EP300: variants seen among roughly 807,000 people sequenced by gnomAD.
EP300 encodes the protein histone acetyltransferase p300.
A neutral mutation model predicts 264.0 loss-of-function variants in EP300; 31 were observed. That is an observed-to-expected ratio of 0.12 (90% CI 0.09 to 0.16). The LOEUF (loss-of-function observed/expected upper bound fraction) is 0.16, where lower values mean the gene tolerates loss of function less well. Among genes scored for constraint, EP300 ranks in the 10% least tolerant of loss-of-function variants. The pLI is 1.00. For missense variants in EP300, 2,766 were observed against 3,052.9 expected (o/e 0.91, Z 2.21); for synonymous variants, 1,340 against 1,045.4 (o/e 1.28, Z -5.44).
Position 41,173,613 on chromosome 22 carries a change from T to C in EP300, c.4618-10T>C, listed in dbSNP as rs751389735. 9 of 1,613,930 alleles carry C rather than the reference T, an allele frequency of 5.6e-6. No individual in the cohort carries two copies. The highest frequency in any genetic ancestry group is 7.6e-6 in the Non-Finnish European group (9 of 1,179,972). On this transcript the variant is annotated splice_polypyrimidine_tract_variant and intron_variant, in intron 28 of 30. Transcript: ENST00000263253. ...CCTTATTTTCTTGTCTCCTTTGTGC[T>C]ACTCTGCAGGTGACCAAGGGAGACA... is the stretch of plus-strand genomic sequence containing the variant.
chr22:41,144,639 G>T (rs984745438), intron 10 of EP300, among the ~76,000 whole-genome samples: 2 of 152,126 alleles, frequency 1.3e-5, no homozygotes, highest in Admixed American at 1.3e-4. Context: ...TTACAGGTGT[G>T]ACCCACTGCG....
intron 23 of EP300, among the ~76,000 whole-genome samples, chr22:41,167,826 G>GTTTT (rs1192332279): frequency 6.2e-3 from 200 of 32,092 alleles, no homozygotes; most frequent in African/African-American, 0.018. Flanking sequence ...TTTTTTTTTT[G>GTTTT]TTTTTTTTTT....
Position 41,176,633 on chromosome 22 carries a change from G to C in EP300, c.5061+105G>C, listed in dbSNP as rs1289531349. ...AGGCCTGTGGGATGCTAGGGGCTTG[G>C]CCTCGTGTTTGAGGGGCAGAGCTGA... On this transcript the variant is annotated intron_variant, in intron 30 of 30. Transcript: ENST00000263253. The C allele has an allele frequency of 3.7e-6, 6 of 1,607,804 alleles. No homozygotes were observed. In the African/African-American group the frequency reaches 4.0e-5, roughly 11 times the overall value.
intron 18 of EP300, 68 bp from the exon 19 acceptor site, chr22:41,158,344 T>TG: frequency 7.9e-7 from 1 of 1,266,746 alleles, no homozygotes; most frequent in Non-Finnish European, 1.1e-6. Context: ...GTTTCTGACT[T>TG]GCCATTCTTA....
chr22:41,125,005 A>G (rs1032898983), intron 2 of EP300, among the ~76,000 whole-genome samples: 3 of 149,624 alleles, frequency 2.0e-5, no homozygotes, highest in East Asian at 2.0e-4. Context: ...TGGCCTGATC[A>G]TGGCTTACTT....
chr22:41,110,268 A>G (rs2145687709), intron 1 of EP300, among the ~76,000 whole-genome samples: 1 of 133,718 alleles, frequency 7.5e-6, no homozygotes, highest in Non-Finnish European at 1.5e-5. Flanking sequence ...GGTGCATGCC[A>G]GCATATCCAG....
At chr22:41,174,713 G>A (rs1424651947) in intron 29 of EP300, 2 of 151,888 alleles carry the variant, frequency 1.3e-5, no homozygotes, top group Non-Finnish European at 1.5e-5. Flanking sequence ...TTACTATCTC[G>A]GTTCTCAGAC....
rs1416105836 is a variant in EP300, at chr22:41,141,311, A to C, written c.2053+89A>C. ...GTCATTAATTTCTGTAAGCTTGTGT[A>C]ACTATTCTAGAGTTTTTTAAATAAC... On this transcript the variant is annotated intron_variant, in intron 10 of 30. Coordinates refer to ENST00000263253, the MANE Select transcript of EP300 (RefSeq NM_001429.4). 3 of 1,431,616 alleles carry C rather than the reference A, an allele frequency of 2.1e-6. No individual in the cohort carries two copies. In the East Asian group the frequency reaches 6.9e-5, roughly 33 times the overall value. The allele number at this position is 1,431,616 out of a possible 1,614,324, so 88.7% of individuals were successfully genotyped here.
rs747710183 is a variant in EP300 at position 41,149,020 on chromosome 22, G to GTTTTTTTTTT, written c.2242-13_2242-4dup. 6 of 1,458,650 alleles carry GTTTTTTTTTT rather than the reference G, an allele frequency of 4.1e-6. No homozygotes were observed. Among genetic ancestry groups the GTTTTTTTTTT allele is most frequent in the African/African-American group, 1.5e-5 (1 of 66,000 alleles). The allele number at this position is 1,458,650 out of a possible 1,614,324, so 90.4% of individuals were successfully genotyped here. A position where few individuals can be genotyped will look rare whatever the true frequency, so the allele number is the denominator to read the frequency against. ...ATAATGAAGCAGTTTGGTGATTTGT[G>GTTTTTTTTTT]TTTTTTTTTTTTTTCAGCCTATGGG... On this transcript the variant is annotated splice_polypyrimidine_tract_variant and intron_variant, in intron 12 of 30. Coordinates refer to ENST00000263253, the MANE Select transcript of EP300 (RefSeq NM_001429.4).
intron 8 of EP300, among the ~76,000 whole-genome samples, chr22:41,139,774 TTTTA>T (rs2058971311): frequency 6.6e-6 from 1 of 152,234 alleles, no homozygotes; most frequent in Admixed American, 6.5e-5. Flanking sequence ...GGTTACTGAA[TTTTA>T]TTTCAGTAAG....
chr22:41,165,453 C>T (rs559335791), intron 22 of EP300, among the ~76,000 whole-genome samples: 3 of 152,040 alleles, frequency 2.0e-5, no homozygotes, highest in Non-Finnish European at 2.9e-5. Context: ...GACAGAGTTT[C>T]GCTCTTGTTG....
chr22:41,148,213 C>G (rs2059023636), intron 12 of EP300, among the ~76,000 whole-genome samples: 1 of 152,184 alleles, frequency 6.6e-6, no homozygotes, highest in Admixed American at 6.5e-5. Context: ...CTCCTCCAGG[C>G]AGAGAACTGT....
Position 41,135,828 on chromosome 22 carries a change from G to C in EP300, c.1544G>C (p.Gly515Ala), listed in dbSNP as rs2058947592. 6.2e-7 allele frequency: 1 copy of C among 1,613,470 alleles called. No homozygotes were observed. Among genetic ancestry groups the C allele is most frequent in the African/African-American group, 1.3e-5 (1 of 74,992 alleles). Residue 515 changes from glycine (G) to alanine (A), a missense_variant, in exon 7 of 31, where the codon GGA (glycine) becomes GCA (alanine). Coordinates refer to ENST00000263253, the MANE Select transcript of EP300 (RefSeq NM_001429.4). ...PMSNMSASPM[G>A]VNGGVGVQTP... ...TTTGACTTAGGTGCTAGTCCTATGG[G>C]AGTAAATGGAGGTGTAGGAGTTCAA...
At chr22:41,131,704 T>G in intron 6 of EP300, 71 bp downstream of exon 6, 1 of 1,601,458 alleles carries the variant, frequency 6.2e-7, no homozygotes, top group Non-Finnish European at 8.5e-7. Flanking sequence ...CACAGTGTTG[T>G]TAGCTCCTTT....
intron 5 of EP300, among the ~76,000 whole-genome samples, chr22:41,130,894 G>A (rs1351116609): frequency 3.3e-5 from 5 of 151,734 alleles, no homozygotes; most frequent in Non-Finnish European, 5.9e-5. Context: ...AAGCTTTTAG[G>A]GTTAAAGGAC....
chr22:41,096,808 A>G (rs759451231), intron 1 of EP300, among the ~76,000 whole-genome samples: 1 of 151,748 alleles, frequency 6.6e-6, no homozygotes, highest in Non-Finnish European at 1.5e-5. Flanking sequence ...TAGTGGAGAC[A>G]GTATTTCACC....
At chr22:41,145,117 GA>G (rs1360731797) in intron 10 of EP300, among the ~76,000 whole-genome samples, 2 of 151,920 alleles carry the variant, frequency 1.3e-5, no homozygotes, top group African/African-American at 2.4e-5. Context: ...TTGTTGACTT[GA>G]AAAAAAAGTT....
intron 2 of EP300, among the ~76,000 whole-genome samples, chr22:41,124,226 C>T (rs1251062522): frequency 1.3e-5 from 2 of 152,228 alleles, no homozygotes; most frequent in Admixed American, 6.5e-5. Flanking sequence ...GCCTGGGCGA[C>T]AGAGCGAGAC....
chr22:41,114,176 TTG>T (rs757024910), intron 1 of EP300, among the ~76,000 whole-genome samples: 79 of 151,874 alleles, frequency 5.2e-4, no homozygotes, highest in Non-Finnish European at 7.4e-4. Context: ...TGGGTATTTG[TTG>T]TTGTTGTTGT....
Sources: gnomAD v4.1 joint callset for allele counts (sites outside exome capture counted in the v4.1 genomes callset) on GRCh38, gnomAD v4.1.1 for gene constraint, MANE v1.5 for transcripts, NCBI Gene and HGNC (gene_info 2026-07-23, HGNC 2026-07-21) for gene names.